The following DIS3L2 variants were observed in gnomAD, a reference collection of about 807,000 sequenced individuals.
The protein encoded by DIS3L2 is DIS3 like 3'-5' exoribonuclease 2.
Under a neutral mutation model 97.5 loss-of-function variants are expected in DIS3L2, and 34 were observed. The observed-to-expected ratio is 0.35, with a 90% CI of 0.27 to 0.46. The LOEUF (loss-of-function observed/expected upper bound fraction) is 0.46, where lower values mean the gene tolerates loss of function less well. Ranked by LOEUF, DIS3L2 falls within the 20% of genes least tolerant of loss-of-function variation. The pLI is 1.00. For synonymous variants in DIS3L2, 435 were observed against 445.2 expected (o/e 0.98, Z 0.29); for missense variants, 1,038 against 1,146.0 (o/e 0.91, Z 1.36).
intron 6 of DIS3L2, among the ~76,000 whole-genome samples, chr2:232,093,802 A>G (rs1274791726): frequency 6.6e-6 from 1 of 152,038 alleles, no homozygotes; most frequent in Non-Finnish European, 1.5e-5. Context: ...AACTTTTCAG[A>G]AAACTATCTT....
chr2:232,257,652 AT>A (rs556323922), intron 12 of DIS3L2, among the ~76,000 whole-genome samples: 70 of 152,366 alleles, frequency 4.6e-4, no homozygotes, highest in Non-Finnish European at 9.4e-4. Context: ...ATTTAAGATT[AT>A]AAGTTAACCC....
chr2:231,972,328 AC>A (rs528099159), intron 1 of DIS3L2, among the ~76,000 whole-genome samples: 30 of 152,340 alleles, frequency 2.0e-4, no homozygotes, highest in African/African-American at 7.2e-4. Context: ...TATCTGCCAT[AC>A]TTTTATATGA....
Position 232,164,901 on chromosome 2 carries a change from T to C in DIS3L2, c.1124+1269T>C, listed in dbSNP as rs547182133. On this transcript the variant is annotated intron_variant, in intron 9 of 20. Coordinates refer to ENST00000325385, the MANE Select transcript of DIS3L2 (RefSeq NM_152383.5). ...TTTCTCATATACAAATTGAGGGGTT[T>C]GTTTTCTGAGGTCATTTCCTGAATC... is the stretch of plus-strand genomic sequence containing the variant. Among the ~76,000 whole-genome samples, 7 of 152,318 alleles carry C rather than the reference T, an allele frequency of 4.6e-5. No homozygotes were observed. The South Asian group carries it at 1.4e-3, about 32-fold the overall frequency.
At chr2:232,159,538 T>A (rs1006689563) in intron 8 of DIS3L2, among the ~76,000 whole-genome samples, 4 of 152,212 alleles carry the variant, frequency 2.6e-5, no homozygotes, top group African/African-American at 7.2e-5. Flanking sequence ...GCTGGTCACT[T>A]CCATGACGGG....
intron 20 of DIS3L2, 120 bp from the exon 21 acceptor site, chr2:232,336,349 A>AGCAGAGGCTT (rs1200487659): frequency 6.5e-7 from 1 of 1,548,076 alleles, no homozygotes; most frequent in Non-Finnish European, 8.7e-7. Flanking sequence ...CAGACAGGCG[A>AGCAGAGGCTT]GCAGAGGCTT....
At chr2:232,106,845 C>T (rs185279921) in intron 6 of DIS3L2, among the ~76,000 whole-genome samples, 14 of 152,284 alleles carry the variant, frequency 9.2e-5, no homozygotes, top group East Asian at 1.9e-4. Context: ...AAATTGATCA[C>T]GTAATCGGAA....
At chr2:232,172,832 T>A in intron 9 of DIS3L2, 1 of 516,064 alleles carries the variant, frequency 1.9e-6, no homozygotes, top group Non-Finnish European at 3.9e-6. Flanking sequence ...TGGGGTAGTA[T>A]CTCATTGTGG....
intron 1 of DIS3L2, among the ~76,000 whole-genome samples, chr2:231,979,872 G>A (rs943803347): frequency 1.7e-4 from 26 of 152,112 alleles, no homozygotes; most frequent in African/African-American, 5.8e-4. Context: ...CACTGCGCCC[G>A]GCCTATTTTT....
intron 1 of DIS3L2, among the ~76,000 whole-genome samples, chr2:231,970,011 C>G (rs1240590510): frequency 2.0e-5 from 3 of 151,816 alleles, no homozygotes; most frequent in African/African-American, 7.3e-5. Context: ...AGTGGCATGA[C>G]TGTGGTTCAC....
At chr2:232,324,782 G>A (rs1323309309) in intron 14 of DIS3L2, among the ~76,000 whole-genome samples, 1 of 152,162 alleles carries the variant, frequency 6.6e-6, no homozygotes, top group African/African-American at 2.4e-5. Context: ...ATTTATTCGA[G>A]GCCAGGAACT....
chr2:232,329,785 T>TCCCGGGGGGGGGGGC, intron 14 of DIS3L2, 28 bp from the exon 15 acceptor site: 2 of 967,142 alleles, frequency 2.1e-6, no homozygotes, highest in Non-Finnish European at 2.9e-6. Context: ...ACCCCAGCGG[T>TCCCGGGGGGGGGGGC]CCCTCCCATC....
chr2:231,999,459 T>A (rs1693819908), intron 1 of DIS3L2, among the ~76,000 whole-genome samples: 1 of 152,254 alleles, frequency 6.6e-6, no homozygotes, highest in Non-Finnish European at 1.5e-5. Flanking sequence ...CGTATTTCTC[T>A]ATTTATTATA....
At chr2:232,176,662 C>G (rs1485905295) in intron 9 of DIS3L2, among the ~76,000 whole-genome samples, 1 of 151,772 alleles carries the variant, frequency 6.6e-6, no homozygotes, top group Admixed American at 6.6e-5. Flanking sequence ...AATCTTGGCT[C>G]ACTACAACCT....
At chr2:231,980,369 A>G (rs781667356) in intron 1 of DIS3L2, among the ~76,000 whole-genome samples, 3 of 152,132 alleles carry the variant, frequency 2.0e-5, no homozygotes, top group Non-Finnish European at 2.9e-5. Context: ...ATGCCTGTTC[A>G]GATCCTTTCC....
At chr2:232,257,130 A>C (rs181565556) in intron 12 of DIS3L2, among the ~76,000 whole-genome samples, 66 of 152,332 alleles carry the variant, frequency 4.3e-4, no homozygotes. Context: ...ATGGTGCTTC[A>C]GTCTAGATAT....
At chr2:232,265,345 C>A (rs1040569678) in intron 13 of DIS3L2, among the ~76,000 whole-genome samples, 2 of 152,188 alleles carry the variant, frequency 1.3e-5, no homozygotes, top group Admixed American at 6.5e-5. Flanking sequence ...CCCTGAGTGA[C>A]CTCTTGTGAT....
intron 12 of DIS3L2, among the ~76,000 whole-genome samples, chr2:232,252,767 G>A (rs1406640091): frequency 6.6e-6 from 1 of 152,078 alleles, no homozygotes; most frequent in African/African-American, 2.4e-5. Flanking sequence ...CAGATGTGGT[G>A]GCATGCGCCT....
At position 232,077,965 on chromosome 2, in the gene DIS3L2, CTTT is replaced by C. The variant is rs1696252702; in HGVS notation, c.367-9521_367-9519del. On this transcript the variant is annotated intron_variant, in intron 5 of 20. Transcript: ENST00000325385. Reference sequence around the variant, plus strand: ...TCTTTTTCTTTCTTTCTCTTTCTTTCTTTCTTTCTTTCTTTCTTTCTTTCTTTC... The same window carrying C: ...TCTTTTTCTTTCTTTCTCTTTCTTTCCTTTCTTTCTTTCTTTCTTTCTTTC... Among the ~76,000 whole-genome samples, 3 of 102,482 alleles carry C rather than the reference CTTT, an allele frequency of 2.9e-5. No homozygotes were observed. In the Admixed American group the frequency reaches 2.9e-4, roughly 10 times the overall value. 67.2% of individuals were successfully genotyped at this position (102,482 alleles called of 152,430 possible).
chr2:232,328,375 T>C (rs921452746), intron 14 of DIS3L2: 8 of 152,318 alleles, frequency 5.3e-5, no homozygotes, highest in African/African-American at 1.9e-4. Context: ...CCCTTCTTCC[T>C]CTGCATCTCA....
Sources: allele counts gnomAD v4.1 joint callset (sites outside exome capture counted in the v4.1 genomes callset), GRCh38; gene constraint gnomAD v4.1.1; transcripts MANE v1.5; gene names NCBI Gene and HGNC (gene_info 2026-07-23, HGNC 2026-07-21).